The following ASTN2 variants were observed in gnomAD, a reference collection of about 807,000 sequenced individuals.
ASTN2 encodes astrotactin 2.
A neutral mutation model predicts 139.8 loss-of-function variants in ASTN2; 54 were observed. The observed-to-expected ratio is 0.39, with a 90% CI of 0.31 to 0.48. ASTN2 has a LOEUF of 0.48. Among genes scored for constraint, ASTN2 ranks in the 20% least tolerant of loss-of-function variants. The probability of loss-of-function intolerance (pLI) is 0.95; values close to 1 mark genes in which losing one functional copy is unlikely to be tolerated. For missense variants in ASTN2, 1,565 were observed against 1,725.1 expected (o/e 0.91, Z 1.64); for synonymous variants, 756 against 719.5 (o/e 1.05, Z -0.81).
chr9:116,747,887 G>A (rs894207), intron 13 of ASTN2, among the ~76,000 whole-genome samples: 97,773 of 152,002 alleles, frequency 0.64, 31,659 homozygotes, highest in South Asian at 0.81. Flanking sequence ...TGGTAATTGC[G>A]ATCCCTGAAA....
chr9:116,804,290 T>C (rs1233975428), intron 13 of ASTN2, among the ~76,000 whole-genome samples: 1 of 152,096 alleles, frequency 6.6e-6, no homozygotes, highest in South Asian at 2.1e-4. Flanking sequence ...TCTTACTAGA[T>C]GATGATCTTG....
At chr9:117,267,753 C>T (rs982931498) in intron 2 of ASTN2, among the ~76,000 whole-genome samples, 1 of 152,316 alleles carries the variant, frequency 6.6e-6, no homozygotes, top group East Asian at 1.9e-4. Flanking sequence ...ATACCTTTGC[C>T]TCTCAGGGCG....
chr9:117,228,744 G>A (rs1386616829), intron 2 of ASTN2, among the ~76,000 whole-genome samples: 9 of 152,110 alleles, frequency 5.9e-5, no homozygotes, highest in Non-Finnish European at 1.5e-5. Flanking sequence ...GCCAGTCTTG[G>A]TGGCTCATGC....
chr9:117,005,206 C>T (rs1337274781), intron 7 of ASTN2, among the ~76,000 whole-genome samples: 1 of 22,628 alleles, frequency 4.4e-5, no homozygotes, highest in Non-Finnish European at 1.8e-3. Flanking sequence ...TTGCCTCAAC[C>T]TCTGAGTAGC....
chr9:116,671,445 T>C (rs757804970), intron 16 of ASTN2, among the ~76,000 whole-genome samples: 2 of 151,314 alleles, frequency 1.3e-5, no homozygotes, highest in Non-Finnish European at 2.9e-5. Context: ...AAAGTAGAAC[T>C]AAGTAGGCCA....
intron 20 of ASTN2, among the ~76,000 whole-genome samples, chr9:116,462,651 G>A (rs1848523217): frequency 6.6e-6 from 1 of 152,120 alleles, no homozygotes; most frequent in Non-Finnish European, 1.5e-5. Flanking sequence ...GCTCAAAGAG[G>A]TCAGTAGGTT....
intron 15 of ASTN2, among the ~76,000 whole-genome samples, chr9:116,727,248 C>A (rs1402966184): frequency 6.6e-6 from 1 of 152,150 alleles, no homozygotes; most frequent in Non-Finnish European, 1.5e-5. Flanking sequence ...ATCCTCCCTG[C>A]ACACCCACCC....
chr9:117,281,912 C>A (rs1003965301), intron 2 of ASTN2, among the ~76,000 whole-genome samples: 2 of 152,138 alleles, frequency 1.3e-5, no homozygotes, highest in Non-Finnish European at 2.9e-5. Context: ...CTCGGATCAC[C>A]CCGATTGCCC....
At chr9:116,487,160 G>T (rs1849366722) in intron 20 of ASTN2, among the ~76,000 whole-genome samples, 199 bp downstream of exon 20, 1 of 152,110 alleles carries the variant, frequency 6.6e-6, no homozygotes, top group African/African-American at 2.4e-5. Context: ...GGCACTTCAG[G>T]ACTCACCTGG....
At chr9:116,851,991 A>G (rs1832621133) in intron 11 of ASTN2, among the ~76,000 whole-genome samples, 1 of 152,186 alleles carries the variant, frequency 6.6e-6, no homozygotes, top group Non-Finnish European at 1.5e-5. Context: ...GAAGGACAGG[A>G]GCATAGCTGA....
intron 1 of ASTN2, among the ~76,000 whole-genome samples, chr9:117,375,580 G>A (rs1830101268): frequency 1.3e-5 from 2 of 152,206 alleles, no homozygotes; most frequent in Non-Finnish European, 2.9e-5. Context: ...TATTGCACGT[G>A]AGGAAATGGA....
At chr9:117,199,703 T>C (rs1325177357) in intron 3 of ASTN2, among the ~76,000 whole-genome samples, 1 of 152,166 alleles carries the variant, frequency 6.6e-6, no homozygotes, top group African/African-American at 2.4e-5. Flanking sequence ...GCATTGAAGC[T>C]ATAAATTACT....
chr9:116,832,083 TTTCA>T (rs1831830951), intron 11 of ASTN2, among the ~76,000 whole-genome samples: 2 of 152,180 alleles, frequency 1.3e-5, no homozygotes, highest in South Asian at 4.1e-4. Context: ...CATCTGAATA[TTTCA>T]TTATTTTTCA....
chr9:117,167,805 T>C (rs1314043266), intron 3 of ASTN2, among the ~76,000 whole-genome samples: 1 of 152,112 alleles, frequency 6.6e-6, no homozygotes, highest in Non-Finnish European at 1.5e-5. Context: ...TCTGTGAACA[T>C]GTTACAGGTA....
chr9:117,412,822 G>C (rs1301296806), intron 1 of ASTN2, among the ~76,000 whole-genome samples: 1 of 152,220 alleles, frequency 6.6e-6, no homozygotes. Context: ...CCACGGGGAG[G>C]TGGCAAGAGC....
intron 19 of ASTN2, among the ~76,000 whole-genome samples, chr9:116,586,885 C>A (rs1350049916): frequency 7.1e-6 from 1 of 140,912 alleles, no homozygotes; most frequent in Admixed American, 7.2e-5. Flanking sequence ...ATAATGAGAT[C>A]TTAATGAGAT....
At position 116,829,742 on chromosome 9, in the gene ASTN2, A is replaced by C. The variant is rs370735113; in HGVS notation, c.2041-8959T>G. On this transcript the variant is annotated intron_variant, in intron 11 of 22. Transcript: ENST00000313400. ...CCAAGCCCCTCCTCCAATACTGGGGATTACAATTCAACATGAAATTTGGGT... is the reference window on the plus strand; with the variant it reads ...CCAAGCCCCTCCTCCAATACTGGGGCTTACAATTCAACATGAAATTTGGGT... Among the ~76,000 whole-genome samples the C allele has an allele frequency of 1.2e-3, 178 of 152,320 alleles. 2 individuals are homozygous for C. The highest frequency in any genetic ancestry group is 4.0e-3 in the African/African-American group (165 of 41,568).
rs1834262364 is a variant in ASTN2, at chr9:116,909,774, C to T, written c.1890-46041G>A. Among the ~76,000 whole-genome samples, 3 of 152,078 alleles carry T rather than the reference C, an allele frequency of 2.0e-5. No individual in the cohort carries two copies. In the South Asian group the frequency reaches 6.2e-4, roughly 32 times the overall value. ...GTTGTCTTCGAAGCCAAATTAAAAA[C>T]AAACAAACAAAAAGATTTCTAACAG... On this transcript the variant is annotated intron_variant, in intron 10 of 22. Coordinates refer to ENST00000313400, the MANE Select transcript of ASTN2 (RefSeq NM_001365068.1).
At chr9:116,845,012 A>C (rs1832384522) in intron 11 of ASTN2, among the ~76,000 whole-genome samples, 1 of 152,202 alleles carries the variant, frequency 6.6e-6, no homozygotes, top group Admixed American at 6.5e-5. Context: ...GAGAAAACTG[A>C]GGCTTTGTGG....
Sources: gnomAD v4.1 joint callset for allele counts (sites outside exome capture counted in the v4.1 genomes callset) on GRCh38, gnomAD v4.1.1 for gene constraint, MANE v1.5 for transcripts, NCBI Gene and HGNC (gene_info 2026-07-23, HGNC 2026-07-21) for gene names.